The following BICD2 variants were observed in gnomAD, a reference collection of about 807,000 sequenced individuals.
BICD2 encodes the protein BICD cargo adaptor 2.
BICD2 carries 25 observed loss-of-function variants against 72.9 expected under a neutral mutation model. That is an observed-to-expected ratio of 0.34 (90% CI 0.25 to 0.48). The LOEUF is 0.48. BICD2 is among the 20% of genes least tolerant of loss of function. The probability of loss-of-function intolerance (pLI) is 0.99; values close to 1 mark genes in which losing one functional copy is unlikely to be tolerated. For synonymous variants in BICD2, 501 were observed against 516.1 expected, an observed-to-expected ratio of 0.97 and a Z score of 0.40; for missense variants, 894 against 1,175.2, an observed-to-expected ratio of 0.76 and a Z score of 3.50.
chr9:92,742,651 G>A (rs1455244869), intron 1 of BICD2, among the ~76,000 whole-genome samples: 1 of 151,852 alleles, frequency 6.6e-6, no homozygotes, highest in Non-Finnish European at 1.5e-5. Flanking sequence ...CCAAAGTGCT[G>A]GGATTACAGG....
At chr9:92,729,278 G>C in intron 1 of BICD2, 42 bp from the exon 2 acceptor site, 1 of 1,602,342 alleles carries the variant, frequency 6.2e-7, no homozygotes, top group Non-Finnish European at 8.5e-7. Context: ...GGCCTCCCAG[G>C]GGCGCCGAAG....
At chr9:92,748,770 C>A (rs770236666) in intron 1 of BICD2, among the ~76,000 whole-genome samples, 5 of 152,154 alleles carry the variant, frequency 3.3e-5, no homozygotes, top group Admixed American at 6.5e-5. Context: ...GATGTGGGGT[C>A]CAGGGCCCCC....
intron 1 of BICD2, among the ~76,000 whole-genome samples, chr9:92,742,561 T>C (rs1282034730): frequency 1.3e-5 from 2 of 152,030 alleles, no homozygotes; most frequent in Non-Finnish European, 2.9e-5. Context: ...ATTTTTTGTA[T>C]GTTTAGTAGA....
intron 1 of BICD2, among the ~76,000 whole-genome samples, chr9:92,756,225 C>T (rs1854252295): frequency 6.6e-6 from 1 of 151,862 alleles, no homozygotes; most frequent in African/African-American, 2.4e-5. Flanking sequence ...AAGAGCCAAG[C>T]CATGATGCAT....
chr9:92,751,408 T>C (rs983489287), intron 1 of BICD2, among the ~76,000 whole-genome samples: 5 of 152,072 alleles, frequency 3.3e-5, no homozygotes, highest in African/African-American at 1.2e-4. Flanking sequence ...CCTCCCAAAG[T>C]GCTAGGATTA....
chr9:92,738,919 T>C (rs889666413), intron 1 of BICD2, among the ~76,000 whole-genome samples: 2 of 152,228 alleles, frequency 1.3e-5, no homozygotes, highest in African/African-American at 4.8e-5. Flanking sequence ...GCTAGGCTGA[T>C]CCAGCACCAC....
At chr9:92,752,306 T>A (rs568773943) in intron 1 of BICD2, among the ~76,000 whole-genome samples, 1 of 151,446 alleles carries the variant, frequency 6.6e-6, no homozygotes, top group African/African-American at 2.4e-5. Context: ...TGCAACATCT[T>A]GTAGTGCCAG....
chr9:92,717,438 G>A (rs1338988010), intron 6 of BICD2, among the ~76,000 whole-genome samples: 1 of 152,236 alleles, frequency 6.6e-6, no homozygotes, highest in African/African-American at 2.4e-5. Context: ...GATCACACAC[G>A]CTCTGCTATC....
chr9:92,752,334 T>TAA (rs75607850), intron 1 of BICD2, among the ~76,000 whole-genome samples: 1 of 144,584 alleles, frequency 6.9e-6, no homozygotes, highest in Non-Finnish European at 1.5e-5. Flanking sequence ...GGAAGCACTT[T>TAA]AAAAAAAAAA....
chr9:92,713,831 G>A lies in BICD2; in HGVS notation c.*1323C>T, dbSNP rs1449451014. ...GAAACATACTCGGCACCAAAGGGAA[G>A]AACGCGCAGGGCAGAGAGCTGTGGG... is the stretch of plus-strand genomic sequence containing the variant. On this transcript the variant is annotated 3_prime_UTR_variant, in exon 7 of 7. Coordinates refer to ENST00000356884, the MANE Select transcript of BICD2 (RefSeq NM_001003800.2). 2 of 1,096,148 alleles carry A rather than the reference G, an allele frequency of 1.8e-6. No individual in the cohort carries two copies. Among genetic ancestry groups the A allele is most frequent in the African/African-American group, 3.3e-5 (2 of 61,468 alleles). The allele number at this position is 1,096,148 out of a possible 1,614,324, so 67.9% of individuals were successfully genotyped here. A position where few individuals can be genotyped will look rare whatever the true frequency, so the allele number is the denominator to read the frequency against.
At position 92,713,424 on chromosome 9, in the gene BICD2, G is replaced by T. The variant is rs751455860; in HGVS notation, c.*1730C>A. ...AGGGGAAGGGGCTGCAGTGTGACAG[G>T]GCCGGGTGGCCAAGTCCTCCTGGCA... On this transcript the variant is annotated 3_prime_UTR_variant, in exon 7 of 7. Transcript: ENST00000356884. 2 of 1,581,606 alleles carry T rather than the reference G, an allele frequency of 1.3e-6. No individual in the cohort carries two copies. Among genetic ancestry groups the T allele is most frequent in the Non-Finnish European group, 1.7e-6 (2 of 1,161,706 alleles).
At chr9:92,727,997 A>G (rs533840012) in intron 2 of BICD2, among the ~76,000 whole-genome samples, 1 of 152,298 alleles carries the variant, frequency 6.6e-6, no homozygotes, top group South Asian at 2.1e-4. Context: ...GCAGGGCTCA[A>G]TTAAAATATG....
intron 1 of BICD2, among the ~76,000 whole-genome samples, chr9:92,739,442 A>T (rs1320605719): frequency 6.6e-6 from 1 of 152,212 alleles, no homozygotes; most frequent in African/African-American, 2.4e-5. Flanking sequence ...ACGGATTGTC[A>T]GTATCCCAGG....
At chr9:92,740,168 G>C (rs1853871549) in intron 1 of BICD2, among the ~76,000 whole-genome samples, 2 of 152,304 alleles carry the variant, frequency 1.3e-5, no homozygotes, top group East Asian at 3.9e-4. Flanking sequence ...AGAACTGGCA[G>C]AGACATGAAG....
chr9:92,758,378 C>T (rs992821440), intron 1 of BICD2, among the ~76,000 whole-genome samples: 1 of 149,198 alleles, frequency 6.7e-6, no homozygotes, highest in Non-Finnish European at 1.5e-5. Context: ...ATGGAGAAAC[C>T]TCGTCTCTAC....
intron 1 of BICD2, among the ~76,000 whole-genome samples, chr9:92,743,355 C>CT (rs34165468): frequency 0.16 from 18,253 of 111,958 alleles, 2,224 homozygotes; most frequent in East Asian, 0.66. Flanking sequence ...ACCATGCCAG[C>CT]TTTTTTTTTT....
At chr9:92,735,309 T>C (rs1853759326) in intron 1 of BICD2, among the ~76,000 whole-genome samples, 1 of 152,026 alleles carries the variant, frequency 6.6e-6, no homozygotes, top group Admixed American at 6.5e-5. Flanking sequence ...TCCTGCACAG[T>C]GGCATGGCCT....
chr9:92,719,465 G>A lies in BICD2; in HGVS notation c.1180C>T (p.Leu394=), dbSNP rs775633720. 1 of 1,614,124 alleles carries A rather than the reference G, an allele frequency of 6.2e-7. No homozygotes were observed. Among genetic ancestry groups the A allele is most frequent in the Non-Finnish European group, 8.5e-7 (1 of 1,180,032 alleles). The part of the protein sequence containing the change: ...QEKVTRLTEN[L]SALRRLQASK... ...GCCTGCAGGCGCCGCAGGGCACTCA[G>A]ATTCTCTGTGAGGCGGGTCACCTTC... is the stretch of plus-strand genomic sequence containing the variant. Residue 394 remains leucine, a synonymous_variant, in exon 5 of 7, where the codon CTG becomes TTG. Coordinates refer to ENST00000356884, the MANE Select transcript of BICD2 (RefSeq NM_001003800.2).
intron 1 of BICD2, among the ~76,000 whole-genome samples, chr9:92,761,795 C>T (rs1428192112): frequency 1.3e-5 from 2 of 152,216 alleles, no homozygotes; most frequent in East Asian, 1.9e-4. Flanking sequence ...ACAGTGGGAA[C>T]GGGGACAGAT....
Sources: gnomAD v4.1 joint callset for allele counts (sites outside exome capture counted in the v4.1 genomes callset) on GRCh38, gnomAD v4.1.1 for gene constraint, MANE v1.5 for transcripts, NCBI Gene and HGNC (gene_info 2026-07-23, HGNC 2026-07-21) for gene names.